The following PXT1 variants were observed in gnomAD, a reference collection of about 807,000 sequenced individuals.
PXT1 encodes peroxisomal testis enriched protein 1.
Under a neutral mutation model 11.0 loss-of-function variants are expected in PXT1, and 11 were observed. That is an observed-to-expected ratio of 1.00 (90% CI 0.63 to 1.66). PXT1 has a LOEUF of 1.66. Among genes scored for constraint, PXT1 ranks in the 40% most tolerant of loss-of-function variants. The pLI is 0.00. For missense variants in PXT1, 141 were observed against 155.5 expected, an observed-to-expected ratio of 0.91 and a Z score of 0.49; for synonymous variants, 43 against 51.4, an observed-to-expected ratio of 0.84 and a Z score of 0.70.
chr6:36,427,742 TGCACTTACA>T (rs140771), intron 2 of PXT1, among the ~76,000 whole-genome samples: 8,983 of 152,220 alleles, frequency 0.059, 449 homozygotes, highest in African/African-American at 0.14. Flanking sequence ...GTATGCATTT[TGCACTTACA>T]GCACATCTCA....
At chr6:36,420,721 T>C (rs1172811237) in intron 3 of PXT1, among the ~76,000 whole-genome samples, 1 of 152,228 alleles carries the variant, frequency 6.6e-6, no homozygotes, top group Non-Finnish European at 1.5e-5. Context: ...AAGTCACTTA[T>C]TATTAATTCA....
intron 3 of PXT1, among the ~76,000 whole-genome samples, chr6:36,404,166 C>T (rs182540470): frequency 6.6e-6 from 1 of 152,264 alleles, no homozygotes; most frequent in East Asian, 1.9e-4. Flanking sequence ...TCAGGAAAGG[C>T]ATATTTCAAG....
At chr6:36,424,771 C>T (rs1259831368) in intron 3 of PXT1, among the ~76,000 whole-genome samples, 2 of 152,204 alleles carry the variant, frequency 1.3e-5, no homozygotes. Context: ...GAGGCCGAGG[C>T]GGGCGGATGA....
intron 4 of PXT1, among the ~76,000 whole-genome samples, chr6:36,398,306 A>C (rs1207671734): frequency 6.6e-6 from 1 of 152,230 alleles, no homozygotes; most frequent in Non-Finnish European, 1.5e-5. Context: ...CCACTTTGGA[A>C]AACAGTCTGG....
At chr6:36,409,134 G>A (rs535107736) in intron 3 of PXT1, among the ~76,000 whole-genome samples, 1 of 152,118 alleles carries the variant, frequency 6.6e-6, no homozygotes, top group Non-Finnish European at 1.5e-5. Context: ...AAAAATAGGG[G>A]TCTAGGGGCT....
chr6:36,398,721 G>A (rs1350170643), intron 4 of PXT1, among the ~76,000 whole-genome samples: 1 of 152,052 alleles, frequency 6.6e-6, no homozygotes, highest in African/African-American at 2.4e-5. Flanking sequence ...TGCACTGGCT[G>A]TTCCCTCTGC....
intron 2 of PXT1, among the ~76,000 whole-genome samples, chr6:36,433,931 G>A (rs1774729701): frequency 6.6e-6 from 1 of 151,630 alleles, no homozygotes. Flanking sequence ...AAATAGTTCA[G>A]CAAAATAGAT....
chr6:36,414,378 G>C (rs1582259715), intron 3 of PXT1, among the ~76,000 whole-genome samples: 1 of 152,136 alleles, frequency 6.6e-6, no homozygotes, highest in South Asian at 2.1e-4. Context: ...ATCACATGGA[G>C]GAGGGGAGGA....
intron 3 of PXT1, among the ~76,000 whole-genome samples, chr6:36,405,018 G>A (rs956846413): frequency 1.3e-5 from 2 of 152,026 alleles, no homozygotes; most frequent in African/African-American, 4.8e-5. Context: ...AGGTATTCCA[G>A]AAGAAGGCAT....
chr6:36,431,259 T>A (rs1193410261), intron 2 of PXT1, among the ~76,000 whole-genome samples: 1 of 152,212 alleles, frequency 6.6e-6, no homozygotes, highest in African/African-American at 2.4e-5. Context: ...AAATAATTAC[T>A]TATTAGTGAT....
In PXT1 at chr6:36,397,296, C is replaced by G. The variant is rs1183194020; in HGVS notation, c.300+3158G>C. On this transcript the variant is annotated intron_variant, in intron 4 of 4. Coordinates refer to ENST00000454782, the MANE Select transcript of PXT1 (RefSeq NM_152990.4). Reference sequence around the variant, plus strand: ...AATAGTCTTTTCAACAAATGGTACTCCAGGCACAGTGAGATGTACCTATAG... The same window carrying G: ...AATAGTCTTTTCAACAAATGGTACTGCAGGCACAGTGAGATGTACCTATAG... Among the ~76,000 whole-genome samples the G allele has an allele frequency of 2.6e-5, 4 of 152,144 alleles. No homozygotes were observed. In the East Asian group the frequency reaches 7.7e-4, roughly 29 times the overall value.
At position 36,391,874 on chromosome 6, in the gene PXT1, C is replaced by T; in HGVS notation, c.301G>A (p.Asp101Asn). Residue 101 changes from aspartate to asparagine, a missense_variant and splice_region_variant, in exon 5 of 5, where the codon GAT becomes AAT. Transcript: ENST00000454782. The stretch of plus-strand genomic sequence containing the variant: ...GCATCTCTGCCATCCTGTTGAAGAT[C>T]CTATTTGAAAAAAGGGAGACACAGA... ...DNIDHRMVRE[D>N]LQQDGRDALD... The T allele has an allele frequency of 5.7e-6, 9 of 1,580,002 alleles. No individual in the cohort carries two copies. Among genetic ancestry groups the T allele is most frequent in the Non-Finnish European group, 7.7e-6 (9 of 1,163,172 alleles).
chr6:36,418,851 T>G (rs558305547), intron 3 of PXT1, among the ~76,000 whole-genome samples: 14 of 152,300 alleles, frequency 9.2e-5, no homozygotes, highest in Admixed American at 1.3e-4. Flanking sequence ...CAAAGTTCTC[T>G]GACAGTAATG....
At chr6:36,412,799 A>G (rs1273225332) in intron 3 of PXT1, among the ~76,000 whole-genome samples, 2 of 152,162 alleles carry the variant, frequency 1.3e-5, no homozygotes, top group Non-Finnish European at 2.9e-5. Context: ...ACATTCATAA[A>G]ACAAAAGAGA....
intron 3 of PXT1, among the ~76,000 whole-genome samples, chr6:36,407,120 TGTGTTTTTA>T (rs1774303179): frequency 6.6e-6 from 1 of 152,218 alleles, no homozygotes. Flanking sequence ...ACTAGTAGGT[TGTGTTTTTA>T]GTTCTGGTCA....
At position 36,390,777 on chromosome 6, in the gene PXT1, G is replaced by C. The variant is rs1036361064; in HGVS notation, c.*993C>G. On this transcript the variant is annotated 3_prime_UTR_variant, in exon 5 of 5. Coordinates refer to ENST00000454782, the MANE Select transcript of PXT1 (RefSeq NM_152990.4). ...AAGAACTGCCTAACAGCGTGCAGGA[G>C]AGAATGAGTGAAATACATTCCACAG... is the stretch of plus-strand genomic sequence containing the variant. The C allele has an allele frequency of 6.6e-6, 1 of 152,214 alleles. No individual in the cohort carries two copies. The highest frequency in any genetic ancestry group is 1.9e-4 in the East Asian group (1 of 5,200). The allele number at this position is 152,214 out of a possible 1,614,324, so 9.4% of individuals were successfully genotyped here.
chr6:36,393,557 C>A (rs1447054869), intron 4 of PXT1: 3 of 152,208 alleles, frequency 2.0e-5, no homozygotes, highest in East Asian at 3.9e-4. Context: ...TGGTGAAACA[C>A]CCCCTCTACT....
At position 36,391,188 on chromosome 6, in the gene PXT1, G is replaced by A. The variant is rs1774060811; in HGVS notation, c.*582C>T. The A allele has an allele frequency of 6.5e-6, 1 of 152,876 alleles. No individual in the cohort carries two copies. Among genetic ancestry groups the A allele is most frequent in the African/African-American group, 2.4e-5 (1 of 41,446 alleles). 9.5% of individuals were successfully genotyped at this position (152,876 alleles called of 1,614,324 possible). A position where few individuals can be genotyped will look rare whatever the true frequency, so the allele number is the denominator to read the frequency against. On this transcript the variant is annotated 3_prime_UTR_variant, in exon 5 of 5. Coordinates refer to ENST00000454782, the MANE Select transcript of PXT1 (RefSeq NM_152990.4). Reference sequence around the variant, plus strand: ...TAGGCATGGAAATGGGAAGGTAGATGAGATGAGCCATATGTTGAATTTGAG... The same window carrying A: ...TAGGCATGGAAATGGGAAGGTAGATAAGATGAGCCATATGTTGAATTTGAG...
chr6:36,438,334 T>G (rs372939274), intron 2 of PXT1, among the ~76,000 whole-genome samples: 44 of 152,260 alleles, frequency 2.9e-4, no homozygotes, highest in Non-Finnish European at 5.9e-5. Flanking sequence ...ATGGATATTT[T>G]ACTGACTTTG....
Sources: gnomAD v4.1 joint callset for allele counts (sites outside exome capture counted in the v4.1 genomes callset) on GRCh38, gnomAD v4.1.1 for gene constraint, MANE v1.5 for transcripts, NCBI Gene and HGNC (gene_info 2026-07-23, HGNC 2026-07-21) for gene names.